The following PACS1 variants were observed in gnomAD, a reference collection of about 807,000 sequenced individuals.
The protein encoded by PACS1 is PACS-1.
A neutral mutation model predicts 115.0 loss-of-function variants in PACS1; 24 were observed. That is an observed-to-expected ratio of 0.21 (90% CI 0.15 to 0.29). PACS1 has a LOEUF of 0.29. Ranked by LOEUF, PACS1 falls within the 10% of genes least tolerant of loss-of-function variation. The pLI, the probability that PACS1 is intolerant of heterozygous loss-of-function variation, is 1.00. For missense variants in PACS1, 838 were observed against 1,251.2 expected (o/e 0.67, Z 4.98); for synonymous variants, 453 against 504.5 (o/e 0.90, Z 1.37).
chr11:66,131,115 T>C (rs58107762), intron 1 of PACS1, among the ~76,000 whole-genome samples: 3,993 of 152,256 alleles, frequency 0.026, 167 homozygotes, highest in African/African-American at 0.09. Flanking sequence ...AAGATCCTCA[T>C]ATATGTCTTC....
chr11:66,211,563 T>C (rs1217375949), intron 4 of PACS1, among the ~76,000 whole-genome samples: 4 of 152,216 alleles, frequency 2.6e-5, no homozygotes, highest in Admixed American at 2.6e-4. Context: ...TTCATCCAAG[T>C]TCTTTAACAT....
At chr11:66,238,342 G>C (rs997024384) in intron 19 of PACS1, 29 of 985,186 alleles carry the variant, frequency 2.9e-5, no homozygotes, top group African/African-American at 3.5e-5. Context: ...GGACATCACA[G>C]TGATTCCTGC....
intron 7 of PACS1, chr11:66,219,417 A>G (rs1855288736): frequency 2.3e-6 from 1 of 442,082 alleles, no homozygotes; most frequent in African/African-American, 2.0e-5. Flanking sequence ...ATGCGCAGGT[A>G]GGAGTCAGCA....
chr11:66,231,445 A>G (rs978756318), intron 13 of PACS1, among the ~76,000 whole-genome samples: 3 of 152,224 alleles, frequency 2.0e-5, no homozygotes, highest in Non-Finnish European at 1.5e-5. Context: ...AGTCAGAAGA[A>G]CTGGGCCTCA....
chr11:66,235,235 G>A lies in PACS1; in HGVS notation c.2105-66G>A, dbSNP rs183499031. 7.4e-5 allele frequency: 88 copies of A among 1,194,418 alleles called. No individual in the cohort carries two copies. The Middle Eastern group carries it at 9.6e-4, about 13-fold the overall frequency. 74.0% of individuals were successfully genotyped at this position (1,194,418 alleles called of 1,614,324 possible). ...GGGTCTCAGGAAGGGATCCCTCTCC[G>A]AGAGGGTCTGCAGGTTTGCCAGCTG... is the stretch of plus-strand genomic sequence containing the variant. On this transcript the variant is annotated intron_variant, in intron 17 of 23. Coordinates refer to ENST00000320580, the MANE Select transcript of PACS1 (RefSeq NM_018026.4). This position sits in a 1 kb window ranked among gnomAD's most constrained non-coding sequence, Gnocchi z 5.6.
chr11:66,216,541 A>G lies in PACS1; in HGVS notation c.827A>G (p.Asn276Ser), dbSNP rs377614765. Residue 276 changes from asparagine to serine, a missense_variant, in exon 6 of 24, where the codon AAT becomes AGT. Physicochemically the swap from Asn to Ser is conservative, Grantham distance 46. This residue lies in a region of PACS1 where 223 missense variants were observed against 354.0 expected (regional missense o/e 0.63). Coordinates refer to ENST00000320580, the MANE Select transcript of PACS1 (RefSeq NM_018026.4). ...KLSDRSPDID[N>S]YSEEEEESFS... ...GCAGATCGTTCTCCTGATATTGACA[A>G]TTATTCTGAGGAAGAGGAAGAGAGT... is the stretch of plus-strand genomic sequence containing the variant. 9 of 1,614,034 alleles carry G rather than the reference A, an allele frequency of 5.6e-6. No individual in the cohort carries two copies. Among genetic ancestry groups the G allele is most frequent in the Non-Finnish European group, 7.6e-6 (9 of 1,179,856 alleles).
At chr11:66,215,814 C>T (rs572189370) in intron 4 of PACS1, among the ~76,000 whole-genome samples, 4 of 151,580 alleles carry the variant, frequency 2.6e-5, no homozygotes, top group South Asian at 2.1e-4. Flanking sequence ...GCAGGAGAAT[C>T]GCTTGAACCT....
At chr11:66,168,035 A>G (rs1229014576) in intron 1 of PACS1, among the ~76,000 whole-genome samples, 1 of 150,226 alleles carries the variant, frequency 6.7e-6, no homozygotes, top group Non-Finnish European at 1.5e-5. Context: ...TCAGCATCCC[A>G]AGTAACTGGA....
chr11:66,190,991 G>A (rs1432654208), intron 1 of PACS1, among the ~76,000 whole-genome samples: 1 of 152,168 alleles, frequency 6.6e-6, no homozygotes, highest in Non-Finnish European at 1.5e-5. Context: ...TGTGACGAGT[G>A]GCCACAAACT....
At chr11:66,171,875 G>A (rs951524935) in intron 1 of PACS1, among the ~76,000 whole-genome samples, 2 of 151,942 alleles carry the variant, frequency 1.3e-5, no homozygotes, top group Non-Finnish European at 2.9e-5. Flanking sequence ...CACCGCGCCC[G>A]GCCTCATTCC....
At position 66,234,092 on chromosome 11, in the gene PACS1, C is replaced by T. The variant is rs367833902; in HGVS notation, c.1994-40C>T. 2.6e-6 allele frequency: 4 copies of T among 1,545,044 alleles called. No individual in the cohort carries two copies. In the African/African-American group the frequency reaches 5.4e-5, roughly 21 times the overall value. On this transcript the variant is annotated intron_variant, in intron 16 of 23. Transcript: ENST00000320580. ...GACAGCTGCTCCCACACTGTCTCAT[C>T]TCCTGACGAATTCACCACCTCTGGT...
chr11:66,163,136 G>A (rs1274840377), intron 1 of PACS1, among the ~76,000 whole-genome samples: 3 of 152,026 alleles, frequency 2.0e-5, no homozygotes, highest in Non-Finnish European at 2.9e-5. Context: ...ATCACTTGAG[G>A]TCAGGAGTTT....
chr11:66,143,633 T>A (rs1462259378), intron 1 of PACS1, among the ~76,000 whole-genome samples: 1 of 152,160 alleles, frequency 6.6e-6, no homozygotes, highest in African/African-American at 2.4e-5. Flanking sequence ...CATTTGCTGT[T>A]GAAGACCTTC....
At chr11:66,205,040 A>G (rs935314439) in intron 2 of PACS1, among the ~76,000 whole-genome samples, 2 of 151,998 alleles carry the variant, frequency 1.3e-5, no homozygotes, top group Non-Finnish European at 1.5e-5. Flanking sequence ...GCTGCAGTGC[A>G]ATGGCGCAAT....
intron 1 of PACS1, among the ~76,000 whole-genome samples, chr11:66,097,411 A>C (rs150891503): frequency 6.6e-6 from 1 of 152,162 alleles, no homozygotes; most frequent in Non-Finnish European, 1.5e-5. Context: ...GGCAGCTTCA[A>C]ACCCACAGCC....
At chr11:66,157,797 C>T (rs1273813592) in intron 1 of PACS1, among the ~76,000 whole-genome samples, 2 of 151,478 alleles carry the variant, frequency 1.3e-5, no homozygotes, top group Non-Finnish European at 1.5e-5. Context: ...ATAAGCCCCT[C>T]AGCCAGGACA....
chr11:66,139,477 C>G (rs976031349), intron 1 of PACS1, among the ~76,000 whole-genome samples: 1 of 149,098 alleles, frequency 6.7e-6, no homozygotes, highest in Admixed American at 6.7e-5. Flanking sequence ...CCACTTCCCT[C>G]CCATCCACCC....
At chr11:66,241,971 G>A (rs1430541884) in intron 22 of PACS1, among the ~76,000 whole-genome samples, 2 of 152,210 alleles carry the variant, frequency 1.3e-5, no homozygotes, top group Admixed American at 1.3e-4. Context: ...CTGCAGACAG[G>A]GAGAGGCCTC....
At chr11:66,205,318 A>G (rs970734619) in intron 2 of PACS1, among the ~76,000 whole-genome samples, 1 of 150,192 alleles carries the variant, frequency 6.7e-6, no homozygotes, top group African/African-American at 2.5e-5. Flanking sequence ...AATTTTTTTA[A>G]TGTTTTAAAG....
Sources: gnomAD v4.1 joint callset for allele counts (sites outside exome capture counted in the v4.1 genomes callset) on GRCh38, gnomAD v4.1.1 for gene constraint, gnomAD v4.1.1 regional missense constraint, Gnocchi (gnomAD v3.1) non-coding constraint, MANE v1.5 for transcripts, NCBI Gene and HGNC (gene_info 2026-07-23, HGNC 2026-07-21) for gene names.